Variants in LGR6 observed in about 807,000 individuals in gnomAD.
LGR6 encodes leucine-rich repeat-containing G protein-coupled receptor 6.
In LGR6, 45 loss-of-function variants were observed where a neutral mutation model predicts 69.4. That is an observed-to-expected ratio of 0.65 (90% CI 0.51 to 0.83). The LOEUF is 0.83. Ranked by LOEUF, LGR6 falls within the 40% of genes least tolerant of loss-of-function variation. The pLI is 0.00. For synonymous variants in LGR6, 538 were observed against 555.0 expected (o/e 0.97, Z 0.43); for missense variants, 1,108 against 1,246.7 (o/e 0.89, Z 1.68).
In LGR6 at chr1:202,225,413, T is replaced by C. The variant is rs1000173615; in HGVS notation, c.213-10T>C. ...GTTCACAGCTCCTTTTTCCATCTTC[T>C]CTCCACCAGGGACCTCAGCATGAAC... On this transcript the variant is annotated splice_polypyrimidine_tract_variant and intron_variant, in intron 1 of 17. Coordinates refer to ENST00000367278, the MANE Select transcript of LGR6 (RefSeq NM_001017403.2). 1.2e-6 allele frequency: 2 copies of C among 1,613,320 alleles called. No homozygotes were observed. The highest frequency in any genetic ancestry group is 4.5e-5 in the East Asian group (2 of 44,868).
intron 4 of LGR6, among the ~76,000 whole-genome samples, chr1:202,251,097 G>C (rs1663196047): frequency 6.6e-6 from 1 of 152,096 alleles, no homozygotes; most frequent in Admixed American, 6.5e-5. Context: ...GCTACCCAAG[G>C]GGTTTAAAAC....
intron 1 of LGR6, chr1:202,194,420 T>G: frequency 3.4e-6 from 2 of 583,382 alleles, no homozygotes; most frequent in Non-Finnish European, 6.3e-6. Flanking sequence ...CTGACTTGGC[T>G]TCCCCATTGG....
At chr1:202,212,306 G>T (rs904610281) in intron 1 of LGR6, among the ~76,000 whole-genome samples, 3 of 152,170 alleles carry the variant, frequency 2.0e-5, no homozygotes, top group Non-Finnish European at 4.4e-5. Flanking sequence ...CGAGCAGAGG[G>T]AAGGACAGGA....
chr1:202,277,462 T>TG (rs369291527), intron 5 of LGR6, among the ~76,000 whole-genome samples: 9 of 128,934 alleles, frequency 7.0e-5, no homozygotes, highest in Admixed American at 4.1e-4. Flanking sequence ...CGGGGCAGGG[T>TG]GGGGGGGTAT....
intron 4 of LGR6, among the ~76,000 whole-genome samples, chr1:202,275,209 C>T (rs757287159): frequency 6.6e-6 from 1 of 152,118 alleles, no homozygotes; most frequent in Non-Finnish European, 1.5e-5. Context: ...TGCCATATGG[C>T]TATGTGGGAG....
chr1:202,274,547 G>C (rs1227957394), intron 4 of LGR6, among the ~76,000 whole-genome samples: 1 of 152,206 alleles, frequency 6.6e-6, no homozygotes, highest in Non-Finnish European at 1.5e-5. Flanking sequence ...GGAAAACCTA[G>C]CTCAGTGCTT....
At chr1:202,303,168 A>G (rs1193115419) in intron 9 of LGR6, 111 bp from the exon 10 acceptor site, 1 of 814,798 alleles carries the variant, frequency 1.2e-6, no homozygotes, top group Non-Finnish European at 2.1e-6. Flanking sequence ...GGGAAGCATG[A>G]CATTGCCCCC....
At chr1:202,256,853 A>G (rs774856939) in intron 4 of LGR6, among the ~76,000 whole-genome samples, 16 of 152,130 alleles carry the variant, frequency 1.1e-4, no homozygotes, top group Non-Finnish European at 2.2e-4. Flanking sequence ...GGGCATTTCA[A>G]TTTCTCCACA....
At chr1:202,300,621 T>C (rs1324843496) in intron 7 of LGR6, among the ~76,000 whole-genome samples, 1 of 150,490 alleles carries the variant, frequency 6.6e-6, no homozygotes, top group Admixed American at 6.6e-5. Flanking sequence ...GATCGCATCA[T>C]TGCACTCCAG....
At chr1:202,253,620 CTTTTTTTT>C (rs71141468) in intron 4 of LGR6, among the ~76,000 whole-genome samples, 3 of 52,460 alleles carry the variant, frequency 5.7e-5, no homozygotes, top group Non-Finnish European at 1.1e-4. Context: ...TCCTACTATT[CTTTTTTTT>C]TTTTTTTTTT....
At chr1:202,296,732 G>C (rs1472448432) in intron 6 of LGR6, among the ~76,000 whole-genome samples, 1 of 152,234 alleles carries the variant, frequency 6.6e-6, no homozygotes, top group Non-Finnish European at 1.5e-5. Context: ...TGCCTAAGCA[G>C]TGCTGTTCTG....
At chr1:202,234,543 C>T (rs989140751) in intron 3 of LGR6, among the ~76,000 whole-genome samples, 4 of 152,106 alleles carry the variant, frequency 2.6e-5, no homozygotes, top group Non-Finnish European at 4.4e-5. Context: ...CTGCTGTATC[C>T]CACCACTATG....
chr1:202,272,903 G>T (rs1665223735), intron 4 of LGR6, among the ~76,000 whole-genome samples: 2 of 152,188 alleles, frequency 1.3e-5, no homozygotes. Flanking sequence ...TATGGTACAT[G>T]GCCATCTTCT....
chr1:202,270,439 C>A (rs1460244664), intron 4 of LGR6, among the ~76,000 whole-genome samples: 1 of 151,790 alleles, frequency 6.6e-6, no homozygotes, highest in Admixed American at 6.6e-5. Context: ...ATGGGGTTTC[C>A]CCATGTTGGT....
In LGR6 at chr1:202,303,323, A is replaced by G; in HGVS notation, c.974A>G (p.Lys325Arg). The change falls in exon 10 of 18, where the codon AAA becomes AGA. Residue 325 changes from lysine to arginine, a missense_variant. Transcript: ENST00000367278. ...GACATCCAGGAGTTTCCAGATCTCAAAGGCACCACCAGCCTGGAGATCCTG... is the reference window on the plus strand; with the variant it reads ...GACATCCAGGAGTTTCCAGATCTCAGAGGCACCACCAGCCTGGAGATCCTG... ...AMDIQEFPDL[K>R]GTTSLEILTL... is the part of the protein sequence containing the mutation. 6.2e-7 allele frequency: 1 copy of G among 1,613,798 alleles called. No homozygotes were observed.
intron 4 of LGR6, among the ~76,000 whole-genome samples, chr1:202,245,239 A>G (rs928688421): frequency 3.9e-5 from 5 of 129,650 alleles, no homozygotes; most frequent in African/African-American, 1.5e-4. Context: ...CTGTATTTGG[A>G]TCTTCCCAAG....
At position 202,255,899 on chromosome 1, in the gene LGR6, C is replaced by T. The variant is rs551553034; in HGVS notation, c.428+19906C>T. 7.2e-5 allele frequency among the ~76,000 whole-genome samples: 11 copies of T among 152,290 alleles called. No homozygotes were observed. The South Asian group carries it at 1.9e-3, about 26-fold the overall frequency. The stretch of plus-strand genomic sequence containing the variant: ...TATTTAACAATTGAGATATAATTTA[C>T]ACAGCATAAAGTTCTCTCTTTTAAA... On this transcript the variant is annotated intron_variant, in intron 4 of 17. Transcript: ENST00000367278.
rs372851879 is a variant in LGR6, at chr1:202,277,708, A to C, written c.644+1187A>C. Among the ~76,000 whole-genome samples, 8 of 152,258 alleles carry C rather than the reference A, an allele frequency of 5.3e-5. No homozygotes were observed. The East Asian group carries it at 1.5e-3, about 29-fold the overall frequency. Reference sequence around the variant, plus strand: ...ACTGCCCTTGAGGGGCTTTCAGTCCAATTGAAAGAGCAGAATAAATATGGG... The same window carrying C: ...ACTGCCCTTGAGGGGCTTTCAGTCCCATTGAAAGAGCAGAATAAATATGGG... On this transcript the variant is annotated intron_variant, in intron 5 of 17. Coordinates refer to ENST00000367278, the MANE Select transcript of LGR6 (RefSeq NM_001017403.2).
chr1:202,233,362 G>A (rs2361451), intron 3 of LGR6, among the ~76,000 whole-genome samples: 43,286 of 151,952 alleles, frequency 0.28, 6,600 homozygotes, highest in South Asian at 0.4. Flanking sequence ...CCCTGGAGGG[G>A]TGGGGCCTGT....
Sources: allele counts gnomAD v4.1 joint callset (sites outside exome capture counted in the v4.1 genomes callset), GRCh38; gene constraint gnomAD v4.1.1; transcripts MANE v1.5; gene names NCBI Gene and HGNC (gene_info 2026-07-23, HGNC 2026-07-21).